AKT3: variants seen among roughly 807,000 people sequenced by gnomAD.
The protein encoded by AKT3 is AKT serine/threonine kinase 3, also known as RAC-gamma serine/threonine-protein kinase.
AKT3 carries 15 observed loss-of-function variants against 65.3 expected under a neutral mutation model. The observed-to-expected ratio is 0.23, with a 90% CI of 0.15 to 0.35. The LOEUF is 0.35. Among genes scored for constraint, AKT3 ranks in the 10% least tolerant of loss-of-function variants. AKT3 has a pLI of 1.00. For synonymous variants in AKT3, 206 were observed against 183.8 expected, an observed-to-expected ratio of 1.12 and a Z score of -0.98; for missense variants, 243 against 576.5, an observed-to-expected ratio of 0.42 and a Z score of 5.92.
chr1:243,750,567 G>A (rs1688749543), intron 2 of AKT3, among the ~76,000 whole-genome samples: 1 of 150,858 alleles, frequency 6.6e-6, no homozygotes, highest in African/African-American at 2.4e-5. Context: ...GTAAATGCTT[G>A]TTGATTAAGG....
chr1:243,787,223 G>A (rs1227083386), intron 2 of AKT3, among the ~76,000 whole-genome samples: 1 of 152,088 alleles, frequency 6.6e-6, no homozygotes, highest in Admixed American at 6.5e-5. Flanking sequence ...AACCTAGTAA[G>A]ACAACATTTC....
intron 2 of AKT3, among the ~76,000 whole-genome samples, chr1:243,805,846 T>C (rs937404613): frequency 1.3e-5 from 2 of 152,220 alleles, no homozygotes; most frequent in Admixed American, 6.5e-5. Flanking sequence ...ATTTTCCATA[T>C]GCTTTCTCTG....
chr1:243,845,668 C>T (rs565617006), intron 1 of AKT3, among the ~76,000 whole-genome samples: 2 of 148,676 alleles, frequency 1.3e-5, no homozygotes, highest in African/African-American at 2.5e-5. Flanking sequence ...CATGTAAAAT[C>T]ATTTTAAAAT....
intron 8 of AKT3, among the ~76,000 whole-genome samples, chr1:243,591,707 G>A (rs1676238593): frequency 6.6e-6 from 1 of 151,540 alleles, no homozygotes; most frequent in Non-Finnish European, 1.5e-5. Context: ...AAGCACATAA[G>A]ATGAAGATGA....
intron 3 of AKT3, among the ~76,000 whole-genome samples, chr1:243,689,539 G>T (rs1684559451): frequency 6.8e-6 from 1 of 146,676 alleles, no homozygotes; most frequent in Non-Finnish European, 1.5e-5. Context: ...GCCCAGGCCG[G>T]TCTCAAACGA....
chr1:243,493,229 T>A (rs1033848611), intron 13 of AKT3, among the ~76,000 whole-genome samples: 1 of 4,822 alleles, frequency 2.1e-4, no homozygotes, highest in South Asian at 7.8e-3. Context: ...GTGGTGGGGG[T>A]GGGGGGAGGG....
chr1:243,545,733 GC>G, intron 11 of AKT3, 136 bp from the exon 12 acceptor site: 1 of 605,734 alleles, frequency 1.7e-6, no homozygotes, highest in Non-Finnish European at 2.8e-6. Context: ...AAAGTAAAAA[GC>G]TTTTGCTATA....
chr1:243,615,815 T>C (rs560039268), intron 6 of AKT3, among the ~76,000 whole-genome samples: 1 of 152,204 alleles, frequency 6.6e-6, no homozygotes, highest in African/African-American at 2.4e-5. Context: ...CACTGTAACC[T>C]TGAACTCCTG....
At chr1:243,590,806 G>A (rs965234411) in intron 8 of AKT3, among the ~76,000 whole-genome samples, 4 of 152,128 alleles carry the variant, frequency 2.6e-5, no homozygotes, top group African/African-American at 7.2e-5. Flanking sequence ...TAACACATGT[G>A]TAATATAAAT....
chr1:243,504,594 G>A lies in AKT3; in HGVS notation c.*655C>T, dbSNP rs1669539416. 5.5e-6 allele frequency: 1 copy of A among 182,554 alleles called. No homozygotes were observed. Among genetic ancestry groups the A allele is most frequent in the African/African-American group, 2.4e-5 (1 of 42,052 alleles). The allele number at this position is 182,554 out of a possible 1,614,324, so 11.3% of individuals were successfully genotyped here. A position where few individuals can be genotyped will look rare whatever the true frequency, so the allele number is the denominator to read the frequency against. On this transcript the variant is annotated 3_prime_UTR_variant, in exon 14 of 14. Coordinates refer to ENST00000673466, the MANE Select transcript of AKT3 (RefSeq NM_005465.7). ...AGTCTCGACATCCACATGTGATATG[G>A]GCTTCTTCTACAGTATCCACCAGGA...
At chr1:243,637,015 T>C (rs1011849588) in intron 6 of AKT3, among the ~76,000 whole-genome samples, 1 of 152,178 alleles carries the variant, frequency 6.6e-6, no homozygotes, top group Non-Finnish European at 1.5e-5. Context: ...ACTTAAAGCA[T>C]GGACCAATTT....
chr1:243,659,643 G>A (rs1682123065), intron 4 of AKT3, among the ~76,000 whole-genome samples: 1 of 152,094 alleles, frequency 6.6e-6, no homozygotes, highest in African/African-American at 2.4e-5. Flanking sequence ...AGAAAAAAAT[G>A]GATTATCTAA....
chr1:243,832,504 T>A (rs1694603233), intron 2 of AKT3, among the ~76,000 whole-genome samples: 1 of 152,128 alleles, frequency 6.6e-6, no homozygotes, highest in African/African-American at 2.4e-5. Context: ...CCCTTCTATA[T>A]ATAAAATTAT....
chr1:243,688,754 G>A (rs767044736), intron 3 of AKT3, among the ~76,000 whole-genome samples: 3 of 151,968 alleles, frequency 2.0e-5, no homozygotes, highest in East Asian at 1.9e-4. Context: ...TTTGGAAACC[G>A]GATGTTCAAA....
chr1:243,745,648 C>T lies in AKT3; in HGVS notation c.47-49932G>A, dbSNP rs756365666. ...ATGCAGCCCAGAACAGCTTTGAATG[C>T]GCCTCAACACAATTCACGAGCTTAA... is the stretch of plus-strand genomic sequence containing the variant. On this transcript the variant is annotated intron_variant, in intron 2 of 13. Coordinates refer to ENST00000673466, the MANE Select transcript of AKT3 (RefSeq NM_005465.7). Among the ~76,000 whole-genome samples the T allele has an allele frequency of 3.9e-5, 6 of 152,224 alleles. No individual in the cohort carries two copies. The East Asian group carries it at 7.7e-4, about 20-fold the overall frequency.
chr1:243,585,175 C>G (rs1326356110), intron 8 of AKT3, among the ~76,000 whole-genome samples: 1 of 151,854 alleles, frequency 6.6e-6, no homozygotes, highest in Non-Finnish European at 1.5e-5. Context: ...TACATCTAAC[C>G]AAGAAGGTAA....
At chr1:243,533,136 C>T (rs1671659875) in intron 12 of AKT3, among the ~76,000 whole-genome samples, 2 of 152,056 alleles carry the variant, frequency 1.3e-5, no homozygotes, top group Non-Finnish European at 2.9e-5. Flanking sequence ...TTTCAATTAT[C>T]GATTTCATTT....
chr1:243,778,185 T>C (rs547728714), intron 2 of AKT3, among the ~76,000 whole-genome samples: 8 of 152,146 alleles, frequency 5.3e-5, no homozygotes, highest in African/African-American at 1.7e-4. Flanking sequence ...GAAAAAGACA[T>C]CAAATAACAT....
chr1:243,558,034 T>C (rs1405473921), intron 10 of AKT3, among the ~76,000 whole-genome samples: 1 of 152,088 alleles, frequency 6.6e-6, no homozygotes, highest in Non-Finnish European at 1.5e-5. Context: ...ACAGATTAAA[T>C]GTGCAAACAT....
Sources: gnomAD v4.1 joint callset for allele counts (sites outside exome capture counted in the v4.1 genomes callset) on GRCh38, gnomAD v4.1.1 for gene constraint, MANE v1.5 for transcripts, NCBI Gene and HGNC (gene_info 2026-07-23, HGNC 2026-07-21) for gene names.